The following PIK3R1 variants were observed in gnomAD, a reference collection of about 807,000 sequenced individuals.
PIK3R1 encodes phosphoinositide-3-kinase regulatory subunit 1, also known as phosphatidylinositol 3-kinase regulatory subunit alpha.
In PIK3R1, 29 loss-of-function variants were observed where a neutral mutation model predicts 98.0. The observed-to-expected ratio is 0.30, with a 90% CI of 0.22 to 0.40. The LOEUF is 0.40. Among genes scored for constraint, PIK3R1 ranks in the 10% least tolerant of loss-of-function variants. PIK3R1 has a pLI of 1.00. For synonymous variants in PIK3R1, 282 were observed against 311.8 expected (o/e 0.90, Z 1.01); for missense variants, 596 against 872.7 (o/e 0.68, Z 3.99).
chr5:68,225,850 G>A (rs1433121484), intron 1 of PIK3R1, among the ~76,000 whole-genome samples: 1 of 152,198 alleles, frequency 6.6e-6, no homozygotes, highest in East Asian at 1.9e-4. Context: ...TGGACTGCCT[G>A]TTCTAGCTCT....
intron 3 of PIK3R1, 68 bp downstream of exon 3, chr5:68,273,550 C>G: frequency 7.7e-7 from 1 of 1,294,564 alleles, no homozygotes; most frequent in South Asian, 1.2e-5. Flanking sequence ...TATTATTTGT[C>G]TCTTGTGCAT....
Position 68,298,738 on chromosome 5 carries a change from AAAAAG to A in PIK3R1, c.*1141_*1145del, listed in dbSNP as rs1747866389. 1 of 233,402 alleles carries A rather than the reference AAAAAG, an allele frequency of 4.3e-6. No homozygotes were observed. Among genetic ancestry groups the A allele is most frequent in the Non-Finnish European group, 8.5e-6 (1 of 117,968 alleles). 14.5% of individuals were successfully genotyped at this position (233,402 alleles called of 1,614,324 possible). On this transcript the variant is annotated 3_prime_UTR_variant, in exon 16 of 16. Transcript: ENST00000521381. ...CTTCAAAGCTGCTTTATTCAATAAA[AAAAAG>A]AAATGAAAAAGATATATGAATATGA...
chr5:68,226,601 C>A lies in PIK3R1; in HGVS notation c.-75C>A. ...AATTCTAACACATTCTCTGAATTCA[C>A]TTTTCATAAAAACGTAAAATCAGAC... is the stretch of plus-strand genomic sequence containing the variant. On this transcript the variant is annotated 5_prime_UTR_variant, in exon 2 of 16. Transcript: ENST00000521381. 1 of 1,207,986 alleles carries A rather than the reference C, an allele frequency of 8.3e-7. No individual in the cohort carries two copies. Among genetic ancestry groups the A allele is most frequent in the African/African-American group, 1.5e-5 (1 of 65,868 alleles). The allele number at this position is 1,207,986 out of a possible 1,614,324, so 74.8% of individuals were successfully genotyped here.
intron 2 of PIK3R1, among the ~76,000 whole-genome samples, chr5:68,247,238 A>AT (rs989021931): frequency 6.6e-6 from 1 of 152,188 alleles, no homozygotes; most frequent in African/African-American, 2.4e-5. Context: ...TTAAAATTAT[A>AT]TTTTTTGAGA....
chr5:68,280,827 G>A, intron 6 of PIK3R1, 98 bp downstream of exon 6: 2 of 1,263,588 alleles, frequency 1.6e-6, no homozygotes, highest in Admixed American at 1.8e-5. Context: ...CTCCAGAGAT[G>A]CATGTGCAGA....
Position 68,279,671 on chromosome 5 carries a change from T to A in PIK3R1, c.572T>A (p.Leu191Gln), listed in dbSNP as rs1477562598. The A allele has an allele frequency of 5.0e-6, 8 of 1,614,022 alleles. No homozygotes were observed. The highest frequency in any genetic ancestry group is 6.8e-6 in the Non-Finnish European group (8 of 1,179,956). Residue 191 changes from leucine to glutamine, a missense_variant, in exon 5 of 16, where the codon CTG (leucine) becomes CAG (glutamine). Leu to Gln is a moderately radical substitution (Grantham distance 113). Transcript: ENST00000521381. ...GCTGACGCTTTCAAACGCTATCTCC[T>A]GGACTTACCAAATCCTGTCATTCCA... is the stretch of plus-strand genomic sequence containing the variant. ...VLADAFKRYLLDLPNPVIPAA... is the reference protein window; with the variant it reads ...VLADAFKRYLQDLPNPVIPAA...
intron 2 of PIK3R1, among the ~76,000 whole-genome samples, chr5:68,236,820 C>T (rs1275748342): frequency 6.6e-6 from 1 of 152,098 alleles, no homozygotes; most frequent in Admixed American, 6.5e-5. Flanking sequence ...AAATTTACCT[C>T]CAATTTATAT....
intron 2 of PIK3R1, among the ~76,000 whole-genome samples, chr5:68,254,388 G>A (rs1178168912): frequency 6.6e-6 from 1 of 152,082 alleles, no homozygotes; most frequent in African/African-American, 2.4e-5. Flanking sequence ...AGGACCAGAG[G>A]GATCATCTAC....
intron 2 of PIK3R1, among the ~76,000 whole-genome samples, chr5:68,256,938 G>A (rs1217033198): frequency 1.3e-5 from 2 of 152,146 alleles, no homozygotes; most frequent in African/African-American, 4.8e-5. Context: ...TACTTGTCCT[G>A]TGGTACAGAG....
chr5:68,297,154 C>A (rs1747766577), intron 15 of PIK3R1, among the ~76,000 whole-genome samples: 1 of 152,228 alleles, frequency 6.6e-6, no homozygotes, highest in Non-Finnish European at 1.5e-5. Flanking sequence ...CATGCATGAT[C>A]TCATTTCATT....
In PIK3R1 at chr5:68,296,221, A is replaced by C; in HGVS notation, c.1865A>C (p.Lys622Thr). ...DDEDLPHHDE[K>T]TWNVGSSNRN... ...GAAGATTTGCCCCATCATGATGAGAAGACATGGAATGTTGGAAGCAGCAAC... is the reference window on the plus strand; with the variant it reads ...GAAGATTTGCCCCATCATGATGAGACGACATGGAATGTTGGAAGCAGCAAC... The change falls in exon 15 of 16, where the codon AAG becomes ACG. Residue 622 changes from lysine (K) to threonine (T), a missense_variant. Lys to Thr is a moderately conservative substitution (Grantham distance 78). Coordinates refer to ENST00000521381, the MANE Select transcript of PIK3R1 (RefSeq NM_181523.3). 1 of 1,614,234 alleles carries C rather than the reference A, an allele frequency of 6.2e-7. No individual in the cohort carries two copies. Among genetic ancestry groups the C allele is most frequent in the Non-Finnish European group, 8.5e-7 (1 of 1,180,048 alleles).
chr5:68,245,656 C>T (rs544912656), intron 2 of PIK3R1, among the ~76,000 whole-genome samples: 54 of 151,550 alleles, frequency 3.6e-4, no homozygotes, highest in African/African-American at 1.1e-3. Context: ...GTGAGGCACT[C>T]AAAAATAAAA....
At chr5:68,266,395 A>G (rs970997248) in intron 2 of PIK3R1, among the ~76,000 whole-genome samples, 1 of 152,236 alleles carries the variant, frequency 6.6e-6, no homozygotes, top group African/African-American at 2.4e-5. Context: ...TTCTCTGGTT[A>G]TTAATAGGGG....
intron 7 of PIK3R1, chr5:68,288,625 G>T: frequency 1.3e-6 from 2 of 1,582,680 alleles, no homozygotes; most frequent in Non-Finnish European, 8.5e-7. Flanking sequence ...TGCCTGCCGG[G>T]AACAGGCTGG....
intron 7 of PIK3R1, among the ~76,000 whole-genome samples, chr5:68,286,165 A>G (rs994386500): frequency 6.6e-6 from 1 of 152,200 alleles, no homozygotes; most frequent in African/African-American, 2.4e-5. Context: ...AAGTGAAACA[A>G]TGGGCTGTAT....
chr5:68,292,715 G>T, intron 8 of PIK3R1: 1 of 1,273,672 alleles, frequency 7.9e-7, no homozygotes, highest in African/African-American at 1.5e-5. Flanking sequence ...GTTAGCTTTG[G>T]GAAGGGGGAG....
intron 6 of PIK3R1, 71 bp downstream of exon 6, chr5:68,280,800 G>T: frequency 7.2e-7 from 1 of 1,384,398 alleles, no homozygotes; most frequent in Non-Finnish European, 1.0e-6. Context: ...TCATGAAAAT[G>T]TATTCTGAAT....
chr5:68,217,221 G>A (rs115918187), intron 1 of PIK3R1, among the ~76,000 whole-genome samples: 154 of 152,284 alleles, frequency 1.0e-3, no homozygotes, highest in African/African-American at 3.6e-3. Context: ...TAATCAGGAG[G>A]GATATTCACA....
intron 1 of PIK3R1, among the ~76,000 whole-genome samples, chr5:68,224,060 C>A (rs965863129): frequency 3.9e-5 from 6 of 152,076 alleles, no homozygotes; most frequent in Non-Finnish European, 7.4e-5. Context: ...TTTTTTTTCC[C>A]CCCTAAAAGA....
Sources: gnomAD v4.1 joint callset for allele counts (sites outside exome capture counted in the v4.1 genomes callset) on GRCh38, gnomAD v4.1.1 for gene constraint, MANE v1.5 for transcripts, NCBI Gene and HGNC (gene_info 2026-07-23, HGNC 2026-07-21) for gene names.